The following EIPR1 variants were observed in gnomAD, a reference collection of about 807,000 sequenced individuals.
EIPR1 encodes EARP and GARP complex-interacting protein 1.
EIPR1 carries 25 observed loss-of-function variants against 48.1 expected under a neutral mutation model. The observed-to-expected ratio is 0.52, with a 90% CI of 0.38 to 0.73. The LOEUF is 0.73. Among genes scored for constraint, EIPR1 ranks in the 30% least tolerant of loss-of-function variants. The probability of loss-of-function intolerance (pLI) is 0.00; values close to 1 mark genes in which losing one functional copy is unlikely to be tolerated. For missense variants in EIPR1, 415 were observed against 506.2 expected (o/e 0.82, Z 1.73); for synonymous variants, 204 against 201.9 (o/e 1.01, Z -0.09).
intron 3 of EIPR1, chr2:3,301,500 G>C (rs1668760938): frequency 6.6e-6 from 1 of 152,170 alleles, no homozygotes; most frequent in South Asian, 2.1e-4. Context: ...AGTCTCCCAG[G>C]CCAGGTCACT....
intron 4 of EIPR1, among the ~76,000 whole-genome samples, chr2:3,219,439 C>G (rs1665785458): frequency 6.6e-6 from 1 of 150,854 alleles, no homozygotes; most frequent in African/African-American, 2.5e-5. Flanking sequence ...CAACACGGCC[C>G]TGATATGCTC....
intron 2 of EIPR1, among the ~76,000 whole-genome samples, chr2:3,340,871 T>C (rs1212354725): frequency 4.0e-5 from 6 of 151,816 alleles, no homozygotes; most frequent in Non-Finnish European, 7.4e-5. Flanking sequence ...CCAAGATGGG[T>C]AGATCACCTG....
At chr2:3,340,816 G>C (rs981619294) in intron 2 of EIPR1, among the ~76,000 whole-genome samples, 15 of 152,206 alleles carry the variant, frequency 9.9e-5, no homozygotes, top group African/African-American at 3.6e-4. Context: ...GAATGGGTAG[G>C]CCAGGCGCGG....
intron 3 of EIPR1, among the ~76,000 whole-genome samples, chr2:3,303,232 G>A (rs1572416734): frequency 6.6e-6 from 1 of 152,236 alleles, no homozygotes; most frequent in African/African-American, 2.4e-5. Context: ...GTGAGGGGCT[G>A]GGTGGAAGGG....
chr2:3,245,113 A>G (rs1666754622), intron 4 of EIPR1, among the ~76,000 whole-genome samples: 1 of 152,164 alleles, frequency 6.6e-6, no homozygotes, highest in Admixed American at 6.5e-5. Context: ...AATAACATTT[A>G]TATGGGGCAA....
chr2:3,304,394 C>T (rs1192887733), intron 3 of EIPR1, among the ~76,000 whole-genome samples: 1 of 150,962 alleles, frequency 6.6e-6, no homozygotes, highest in African/African-American at 2.4e-5. Flanking sequence ...GCAGTTCAGC[C>T]CTCCACTCCC....
At chr2:3,237,266 A>ACACACACACC (rs1666436330) in intron 4 of EIPR1, among the ~76,000 whole-genome samples, 1 of 147,020 alleles carries the variant, frequency 6.8e-6, no homozygotes, top group Non-Finnish European at 1.5e-5. Flanking sequence ...ACACACACAC[A>ACACACACACC]CACACCATAC....
At chr2:3,317,489 G>C (rs545901616) in intron 3 of EIPR1, among the ~76,000 whole-genome samples, 2 of 152,248 alleles carry the variant, frequency 1.3e-5, no homozygotes, top group Non-Finnish European at 2.9e-5. Flanking sequence ...TCACATGCGG[G>C]GTGGAGCACG....
In EIPR1 at chr2:3,312,007, C is replaced by T. The variant is rs1453882882; in HGVS notation, c.259+26010G>A. Among the ~76,000 whole-genome samples, 1 of 152,182 alleles carries T rather than the reference C, an allele frequency of 6.6e-6. No homozygotes were observed. The highest frequency in any genetic ancestry group is 1.5e-5 in the Non-Finnish European group (1 of 68,022). On this transcript the variant is annotated intron_variant, in intron 3 of 8. Coordinates refer to ENST00000382125, the MANE Select transcript of EIPR1 (RefSeq NM_003310.5). The surrounding 1 kb of genome is among the most constrained non-coding windows in gnomAD (Gnocchi z 5.5). ...CACATAAGGACCTGGCGGTCACTCT[C>T]GTGCTGACATACAAATGACACCCTC...
At chr2:3,341,494 C>T (rs74968614) in intron 2 of EIPR1, among the ~76,000 whole-genome samples, 10,318 of 151,294 alleles carry the variant, frequency 0.068, 427 homozygotes, top group Middle Eastern at 0.18. Context: ...AGCATGGGTA[C>T]GTGGTCTATG....
At chr2:3,226,376 G>A (rs977315607) in intron 4 of EIPR1, among the ~76,000 whole-genome samples, 10 of 152,174 alleles carry the variant, frequency 6.6e-5, no homozygotes, top group African/African-American at 1.2e-4. Context: ...GGTTAGTGAC[G>A]TTGAGCACGT....
chr2:3,218,718 T>C (rs1330696287), intron 4 of EIPR1, among the ~76,000 whole-genome samples: 2 of 149,990 alleles, frequency 1.3e-5, no homozygotes, highest in African/African-American at 2.5e-5. Context: ...TGATACGCTC[T>C]AGAGCTTTCA....
intron 3 of EIPR1, chr2:3,300,809 G>C (rs1668742300): frequency 6.6e-6 from 1 of 152,218 alleles, no homozygotes; most frequent in Admixed American, 6.5e-5. Context: ...TTCTACAAGA[G>C]AGTATATATG....
At chr2:3,284,612 T>C (rs901822272) in intron 3 of EIPR1, among the ~76,000 whole-genome samples, 1 of 152,272 alleles carries the variant, frequency 6.6e-6, no homozygotes, top group Non-Finnish European at 1.5e-5. Flanking sequence ...CCATCTAATG[T>C]CACTCCACAA....
chr2:3,256,352 G>C (rs1207488465), intron 4 of EIPR1, among the ~76,000 whole-genome samples: 2 of 152,020 alleles, frequency 1.3e-5, no homozygotes, highest in African/African-American at 4.8e-5. Flanking sequence ...ATGATTTCGG[G>C]GTACGCCACG....
chr2:3,229,180 C>T (rs886780706), intron 4 of EIPR1, among the ~76,000 whole-genome samples: 2 of 152,186 alleles, frequency 1.3e-5, no homozygotes, highest in Admixed American at 1.3e-4. Flanking sequence ...GTAAAATCAA[C>T]CAGAAAAGAT....
intron 5 of EIPR1, among the ~76,000 whole-genome samples, chr2:3,202,088 C>A (rs897211710): frequency 3.3e-5 from 5 of 152,158 alleles, no homozygotes; most frequent in Admixed American, 3.3e-4. Context: ...CAGGCGCCCG[C>A]CACCACGCCC....
At chr2:3,224,382 C>T (rs968031918) in intron 4 of EIPR1, among the ~76,000 whole-genome samples, 4 of 152,168 alleles carry the variant, frequency 2.6e-5, no homozygotes, top group African/African-American at 7.2e-5. Flanking sequence ...TAGTCACATC[C>T]GCCTTACTTT....
chr2:3,309,312 T>C (rs550455952), intron 3 of EIPR1, among the ~76,000 whole-genome samples: 2 of 152,286 alleles, frequency 1.3e-5, no homozygotes, highest in South Asian at 2.1e-4. Flanking sequence ...TATATTGTAA[T>C]ATCTAGAGCA....
Sources: gnomAD v4.1 joint callset for allele counts (sites outside exome capture counted in the v4.1 genomes callset) on GRCh38, gnomAD v4.1.1 for gene constraint, Gnocchi (gnomAD v3.1) non-coding constraint, MANE v1.5 for transcripts, NCBI Gene and HGNC (gene_info 2026-07-23, HGNC 2026-07-21) for gene names.